The following PLD5 variants were observed in gnomAD, a reference collection of about 807,000 sequenced individuals.
PLD5 encodes the protein inactive phospholipase D5.
A neutral mutation model predicts 61.1 loss-of-function variants in PLD5; 36 were observed. That is an observed-to-expected ratio of 0.59 (90% confidence interval 0.45 to 0.78). The LOEUF (loss-of-function observed/expected upper bound fraction) is 0.78, where lower values mean the gene tolerates loss of function less well. Among genes scored for constraint, PLD5 ranks in the 30% least tolerant of loss-of-function variants. The pLI is 0.00. For synonymous variants in PLD5, 243 were observed against 242.8 expected, an observed-to-expected ratio of 1.00 and a Z score of -0.01; for missense variants, 515 against 644.4, an observed-to-expected ratio of 0.80 and a Z score of 2.17.
intron 5 of PLD5, among the ~76,000 whole-genome samples, chr1:242,160,248 T>A (rs1665719697): frequency 6.6e-6 from 1 of 152,162 alleles, no homozygotes; most frequent in Non-Finnish European, 1.5e-5. Flanking sequence ...CTCAAACTCC[T>A]GGGCTCAAGT....
intron 6 of PLD5, among the ~76,000 whole-genome samples, chr1:242,122,779 CAACTTG>C (rs1222337297): frequency 2.7e-4 from 41 of 152,296 alleles, no homozygotes; most frequent in Non-Finnish European, 1.3e-4. Context: ...TTATTTAAGA[CAACTTG>C]AACTTTGTGT....
intron 5 of PLD5, 56 bp from the exon 6 acceptor site, chr1:242,124,721 C>T (rs760759650): frequency 7.2e-5 from 106 of 1,468,356 alleles, no homozygotes; most frequent in Non-Finnish European, 9.4e-5. Context: ...GTGTTATTTT[C>T]AGAGAAAAAA....
At chr1:242,517,244 G>A (rs961047178) in intron 1 of PLD5, among the ~76,000 whole-genome samples, 10 of 150,268 alleles carry the variant, frequency 6.7e-5, no homozygotes, top group South Asian at 2.1e-4. Context: ...AACTAAAAGC[G>A]ATGACCATGG....
In PLD5 at chr1:242,524,250, G is replaced by A; in HGVS notation, c.27C>T (p.Leu9=). 6.7e-7 allele frequency: 1 copy of A among 1,497,024 alleles called. No individual in the cohort carries two copies. Among genetic ancestry groups the A allele is most frequent in the African/African-American group, 1.4e-5 (1 of 69,710 alleles). The allele number at this position is 1,497,024 out of a possible 1,614,324, so 92.7% of individuals were successfully genotyped here. ...CGAAGCCCTCATGGGGGGAGGCCGA[G>A]AGCCACTCGTGCTGCCGGATCTCCA... MEIRQHEW[L]SASPHEGFEQ... is the part of the protein sequence containing the mutation. The change falls in exon 1 of 10, where the codon CTC becomes CTT. Residue 9 remains leucine, a synonymous_variant. Coordinates refer to ENST00000536534, the MANE Select transcript of PLD5 (RefSeq NM_001372062.1).
chr1:242,295,794 C>A (rs1436924878), intron 2 of PLD5, among the ~76,000 whole-genome samples: 1 of 152,134 alleles, frequency 6.6e-6, no homozygotes, highest in East Asian at 1.9e-4. Context: ...TACATCCATG[C>A]CAACTTCTGC....
Position 242,084,306 on chromosome 1 carries a change from T to A in PLD5, c.*5548A>T, listed in dbSNP as rs902291786. On this transcript the variant is annotated 3_prime_UTR_variant, in exon 10 of 10. Transcript: ENST00000536534. ...AACCTCTCCAATGATAGTTTTTTTTTTAAAAGTATGCCTCTCAGATTGATT... is the reference window on the plus strand; with the variant it reads ...AACCTCTCCAATGATAGTTTTTTTTATAAAAGTATGCCTCTCAGATTGATT... 6.6e-6 allele frequency: 1 copy of A among 152,080 alleles called. No homozygotes were observed. Among genetic ancestry groups the A allele is most frequent in the Non-Finnish European group, 1.5e-5 (1 of 68,012 alleles). The allele number at this position is 152,080 out of a possible 1,614,324, so 9.4% of individuals were successfully genotyped here.
chr1:242,101,224 C>G lies in PLD5; in HGVS notation c.1240-442G>C, dbSNP rs186271318. 4.6e-5 allele frequency among the ~76,000 whole-genome samples: 7 copies of G among 151,230 alleles called. No individual in the cohort carries two copies. The East Asian group carries it at 1.4e-3, about 29-fold the overall frequency. On this transcript the variant is annotated intron_variant, in intron 8 of 9. Transcript: ENST00000536534. ...GATTAAACTGGGGATTTGCCAAGGT[C>G]AAAAGAGACTTTGCCATAGGAACAT... is the stretch of plus-strand genomic sequence containing the variant.
At position 242,261,562 on chromosome 1, in the gene PLD5, A is replaced by G. The variant is rs1673371364; in HGVS notation, c.607+3775T>C. On this transcript the variant is annotated intron_variant, in intron 4 of 9. Coordinates refer to ENST00000536534, the MANE Select transcript of PLD5 (RefSeq NM_001372062.1). ...AACACATCCTTGGAAGAGTGAAAAG[A>G]TAAGCCTCAAATGGATGAAGATATA... Among the ~76,000 whole-genome samples, 4 of 152,330 alleles carry G rather than the reference A, an allele frequency of 2.6e-5. No homozygotes were observed. In the South Asian group the frequency reaches 6.2e-4, roughly 24 times the overall value.
intron 2 of PLD5, among the ~76,000 whole-genome samples, chr1:242,328,954 C>T (rs1331095066): frequency 6.6e-6 from 1 of 152,034 alleles, no homozygotes; most frequent in Non-Finnish European, 1.5e-5. Flanking sequence ...CTTCCTACTC[C>T]TATTTCTTTT....
chr1:242,196,170 A>C (rs1030135571), intron 5 of PLD5, among the ~76,000 whole-genome samples: 1 of 152,256 alleles, frequency 6.6e-6, no homozygotes, highest in Non-Finnish European at 1.5e-5. Context: ...TGACTTTCAT[A>C]TTTAAAAACA....
intron 4 of PLD5, among the ~76,000 whole-genome samples, chr1:242,259,614 G>C (rs1673272304): frequency 6.6e-6 from 1 of 150,850 alleles, no homozygotes; most frequent in African/African-American, 2.4e-5. Flanking sequence ...TAACTTCTAG[G>C]TCACTGATTC....
chr1:242,180,666 G>A (rs1667460692), intron 5 of PLD5, among the ~76,000 whole-genome samples: 1 of 152,110 alleles, frequency 6.6e-6, no homozygotes, highest in Admixed American at 6.6e-5. Flanking sequence ...TATTTAATAG[G>A]TCTGTGTTGG....
At chr1:242,368,518 T>C (rs1469817928) in intron 1 of PLD5, among the ~76,000 whole-genome samples, 1 of 152,178 alleles carries the variant, frequency 6.6e-6, no homozygotes, top group Non-Finnish European at 1.5e-5. Flanking sequence ...AGGGTTTTTA[T>C]AGATGAGCTA....
intron 1 of PLD5, among the ~76,000 whole-genome samples, chr1:242,381,196 C>T (rs1253854261): frequency 6.6e-6 from 1 of 152,114 alleles, no homozygotes; most frequent in African/African-American, 2.4e-5. Flanking sequence ...TGCACATATG[C>T]CCCATGGAAT....
chr1:242,177,912 G>A (rs376201247), intron 5 of PLD5: 2 of 152,180 alleles, frequency 1.3e-5, no homozygotes, highest in Non-Finnish European at 2.9e-5. Context: ...CGGTGAGTCC[G>A]GTGCAAAGAT....
At position 242,450,767 on chromosome 1, in the gene PLD5, C is replaced by A. The variant is rs569807638; in HGVS notation, c.189+73321G>T. 7.2e-5 allele frequency among the ~76,000 whole-genome samples: 11 copies of A among 152,266 alleles called. No individual in the cohort carries two copies. The South Asian group carries it at 2.1e-3, about 29-fold the overall frequency. On this transcript the variant is annotated intron_variant, in intron 1 of 9. Coordinates refer to ENST00000536534, the MANE Select transcript of PLD5 (RefSeq NM_001372062.1). ...CCAGAAAAACACACACATTTTCACA[C>A]CCTCTGGAAAAAGTCTTTTAGGATA... is the stretch of plus-strand genomic sequence containing the variant.
At chr1:242,178,005 G>A (rs1360589696) in intron 5 of PLD5, 3 of 152,194 alleles carry the variant, frequency 2.0e-5, no homozygotes, top group African/African-American at 7.2e-5. Context: ...CTTGAAATAG[G>A]TGAAATAAGT....
chr1:242,226,244 C>T (rs1368508396), intron 4 of PLD5, among the ~76,000 whole-genome samples: 3 of 151,998 alleles, frequency 2.0e-5, no homozygotes, highest in Admixed American at 1.3e-4. Flanking sequence ...GTGTGCAGCC[C>T]CTGACCCATT....
chr1:242,488,628 A>AACTATTGTG, intron 1 of PLD5, among the ~76,000 whole-genome samples: 1 of 152,316 alleles, frequency 6.6e-6, no homozygotes, highest in African/African-American at 2.4e-5. Flanking sequence ...ATGGCAGTGA[A>AACTATTGTG]ACTATTGTGT....
Sources: gnomAD v4.1 joint callset for allele counts (sites outside exome capture counted in the v4.1 genomes callset) on GRCh38, gnomAD v4.1.1 for gene constraint, MANE v1.5 for transcripts, NCBI Gene and HGNC (gene_info 2026-07-23, HGNC 2026-07-21) for gene names.